Variants in FAM83B observed in about 807,000 individuals in gnomAD.
FAM83B encodes the protein scaffolding CK1 anchoring protein B, also known as protein FAM83B.
In FAM83B, 26 loss-of-function variants were observed where a neutral mutation model predicts 38.8. The ratio of observed to expected loss-of-function variants is 0.67; its 90% CI spans 0.49 to 0.93. FAM83B has a LOEUF of 0.93. Ranked by LOEUF, FAM83B falls within the 40% of genes least tolerant of loss-of-function variation. FAM83B has a pLI of 0.00. For missense variants in FAM83B, 1,237 were observed against 1,197.3 expected (o/e 1.03, Z -0.49); for synonymous variants, 419 against 423.1 (o/e 0.99, Z 0.12).
rs1773630006 is a variant in FAM83B at position 54,940,128 on chromosome 6, G to T, written c.1157G>T (p.Arg386Met). 6 of 1,614,020 alleles carry T rather than the reference G, an allele frequency of 3.7e-6. No homozygotes were observed. The highest frequency in any genetic ancestry group is 1.7e-4 in the Middle Eastern group (1 of 6,060). ...QPNQINENWK[R>M]HSYAGEQPET... ...AATCAGATAAATGAAAATTGGAAAA[G>T]GCATAGTTATGCTGGGGAACAGCCA... Residue 386 changes from arginine (R) to methionine (M), a missense_variant, in exon 5 of 5, where the codon AGG becomes ATG. Coordinates refer to ENST00000306858, the MANE Select transcript of FAM83B (RefSeq NM_001010872.3).
chr6:54,928,513 T>G (rs1336457078), intron 4 of FAM83B, among the ~76,000 whole-genome samples: 1 of 152,188 alleles, frequency 6.6e-6, no homozygotes, highest in East Asian at 1.9e-4. Context: ...AACTACTATT[T>G]TAGGACTTGA....
chr6:54,865,616 T>C (rs1771682152), intron 1 of FAM83B, among the ~76,000 whole-genome samples: 1 of 152,160 alleles, frequency 6.6e-6, no homozygotes, highest in Non-Finnish European at 1.5e-5. Flanking sequence ...CCTGTGATAT[T>C]TTTTATATTT....
intron 2 of FAM83B, among the ~76,000 whole-genome samples, chr6:54,903,900 A>G (rs1451290652): frequency 6.6e-6 from 1 of 151,886 alleles, no homozygotes; most frequent in Non-Finnish European, 1.5e-5. Context: ...TGTACCACAC[A>G]TGTACAGAGT....
intron 4 of FAM83B, among the ~76,000 whole-genome samples, chr6:54,934,795 A>C (rs769660385): frequency 6.6e-6 from 1 of 152,070 alleles, no homozygotes; most frequent in African/African-American, 2.4e-5. Flanking sequence ...ACTTTCAATC[A>C]ATCTTCCTGT....
At chr6:54,911,166 T>C (rs1035323046) in intron 2 of FAM83B, among the ~76,000 whole-genome samples, 2 of 151,622 alleles carry the variant, frequency 1.3e-5, no homozygotes, top group African/African-American at 2.4e-5. Flanking sequence ...TGTGTGTGTG[T>C]ATGTGTAATA....
chr6:54,937,687 C>T (rs1023742776), intron 4 of FAM83B, among the ~76,000 whole-genome samples: 5 of 152,006 alleles, frequency 3.3e-5, no homozygotes, highest in South Asian at 2.1e-4. Flanking sequence ...ACATTGGACA[C>T]GAGGAAAGTG....
chr6:54,937,160 C>A (rs1773539184), intron 4 of FAM83B, among the ~76,000 whole-genome samples: 1 of 151,208 alleles, frequency 6.6e-6, no homozygotes, highest in African/African-American at 2.4e-5. Context: ...TTTGTATTAA[C>A]CCCCATTGTG....
At chr6:54,922,670 G>C (rs1003284029) in intron 2 of FAM83B, among the ~76,000 whole-genome samples, 10 of 152,070 alleles carry the variant, frequency 6.6e-5, no homozygotes, top group African/African-American at 2.4e-4. Flanking sequence ...AAATCTGATT[G>C]GAGTATGTTT....
rs750111065 is a variant in FAM83B, at chr6:54,927,512, T to C, written c.614T>C (p.Ile205Thr). The change falls in exon 4 of 5, where the codon ATT becomes ACT. Residue 205 changes from isoleucine (I) to threonine (T), a missense_variant. Ile to Thr is a moderately conservative substitution (Grantham distance 89). Transcript: ENST00000306858. ...QGCSVQRLRN[I>T]RVRTVKGQDY... ...TTTATTTACATATAATTCTAGAATA[T>C]TCGAGTGCGAACAGTAAAAGGCCAA... 11 of 1,597,058 alleles carry C rather than the reference T, an allele frequency of 6.9e-6. No individual in the cohort carries two copies. The East Asian group carries it at 2.0e-4, about 29-fold the overall frequency.
Position 54,857,959 on chromosome 6 carries a change from G to A in FAM83B, c.-61+11133G>A, listed in dbSNP as rs147103255. On this transcript the variant is annotated intron_variant, in intron 1 of 4. Coordinates refer to ENST00000306858, the MANE Select transcript of FAM83B (RefSeq NM_001010872.3). Reference sequence around the variant, plus strand: ...AGATCCTAAGTTGGAAATTAACTCAGGATGTTAGGTGTAAAGAAAGAAAAC... The same window carrying A: ...AGATCCTAAGTTGGAAATTAACTCAAGATGTTAGGTGTAAAGAAAGAAAAC... Among the ~76,000 whole-genome samples, 242 of 152,276 alleles carry A rather than the reference G, an allele frequency of 1.6e-3. 1 individual carries two copies. The highest frequency in any genetic ancestry group is 5.5e-3 in the African/African-American group (230 of 41,540).
intron 1 of FAM83B, among the ~76,000 whole-genome samples, chr6:54,863,953 G>A (rs2127573777): frequency 6.6e-6 from 1 of 152,250 alleles, no homozygotes; most frequent in African/African-American, 2.4e-5. Flanking sequence ...TAGCCTTGTA[G>A]TTTAGATGTT....
At chr6:54,850,458 C>A (rs2127570731) in intron 1 of FAM83B, among the ~76,000 whole-genome samples, 1 of 152,242 alleles carries the variant, frequency 6.6e-6, no homozygotes, top group South Asian at 2.1e-4. Context: ...CTTCTTTGGC[C>A]AAATTTTCAT....
chr6:54,898,907 A>G (rs1435694414), intron 2 of FAM83B, among the ~76,000 whole-genome samples: 2 of 152,036 alleles, frequency 1.3e-5, no homozygotes, highest in African/African-American at 4.8e-5. Flanking sequence ...TTCTTCTGTA[A>G]GGTTTGAAGT....
At chr6:54,903,227 C>T (rs887836142) in intron 2 of FAM83B, among the ~76,000 whole-genome samples, 1 of 152,078 alleles carries the variant, frequency 6.6e-6, no homozygotes, top group Admixed American at 6.6e-5. Context: ...AAGTTTCTTA[C>T]AAATGTAAGT....
rs745975034 is a variant in FAM83B at position 54,940,699 on chromosome 6, A to G, written c.1728A>G (p.Thr576=). The G allele has an allele frequency of 3.7e-6, 6 of 1,613,988 alleles. No individual in the cohort carries two copies. Among genetic ancestry groups the G allele is most frequent in the Non-Finnish European group, 5.1e-6 (6 of 1,179,986 alleles). ...TCATTGGTTCTCAGGGAAGTGAGAC[A>G]CCTAAAGAGGTCCCAGACACCCCTA... ...STIIGSQGSE[T]PKEVPDTPTN... Residue 576 remains threonine (T), a synonymous_variant, in exon 5 of 5, where the codon ACA becomes ACG. Coordinates refer to ENST00000306858, the MANE Select transcript of FAM83B (RefSeq NM_001010872.3).
At position 54,926,649 on chromosome 6, in the gene FAM83B, GTAT is replaced by G. The variant is rs1581926085; in HGVS notation, c.609+116_609+118del. On this transcript the variant is annotated intron_variant, in intron 3 of 4. Coordinates refer to ENST00000306858, the MANE Select transcript of FAM83B (RefSeq NM_001010872.3). ...AAAACTGAAAAACAAAAAAAAATAC[GTAT>G]TTAAGGTTATGGAATGATTGATCAC... is the stretch of plus-strand genomic sequence containing the variant. The G allele has an allele frequency of 3.6e-5, 27 of 746,952 alleles. No individual in the cohort carries two copies. In the East Asian group the frequency reaches 6.9e-4, roughly 19 times the overall value. The allele number at this position is 746,952 out of a possible 1,614,324, so 46.3% of individuals were successfully genotyped here.
chr6:54,942,441 C>A lies in FAM83B; in HGVS notation c.*434C>A, dbSNP rs1561934674. On this transcript the variant is annotated 3_prime_UTR_variant, in exon 5 of 5. Transcript: ENST00000306858. ...AAATATAAGCAAATGGGACAAAGCCCTTTTTTAAGATTAACTTGAAGTTCT... is the reference window on the plus strand; with the variant it reads ...AAATATAAGCAAATGGGACAAAGCCATTTTTTAAGATTAACTTGAAGTTCT... Among the ~76,000 whole-genome samples, 1 of 151,916 alleles carries A rather than the reference C, an allele frequency of 6.6e-6. No individual in the cohort carries two copies. Among genetic ancestry groups the A allele is most frequent in the Admixed American group, 6.6e-5 (1 of 15,236 alleles).
intron 1 of FAM83B, among the ~76,000 whole-genome samples, chr6:54,865,692 T>C (rs1040810173): frequency 6.6e-6 from 1 of 152,232 alleles, no homozygotes; most frequent in East Asian, 1.9e-4. Flanking sequence ...CCTCGGACTT[T>C]TGATTTAAAA....
intron 2 of FAM83B, among the ~76,000 whole-genome samples, chr6:54,922,294 A>G (rs2127587418): frequency 6.6e-6 from 1 of 152,178 alleles, no homozygotes; most frequent in East Asian, 1.9e-4. Context: ...CTAATTAAAG[A>G]ATACCATGTT....
Sources: gnomAD v4.1 joint callset for allele counts (sites outside exome capture counted in the v4.1 genomes callset) on GRCh38, gnomAD v4.1.1 for gene constraint, MANE v1.5 for transcripts, NCBI Gene and HGNC (gene_info 2026-07-23, HGNC 2026-07-21) for gene names.